The following DNM2 variants were observed in gnomAD, a reference collection of about 807,000 sequenced individuals.
DNM2 encodes dynamin 2.
DNM2 carries 15 observed loss-of-function variants against 99.0 expected under a neutral mutation model. That is an observed-to-expected ratio of 0.15 (90% confidence interval 0.10 to 0.23). The LOEUF (loss-of-function observed/expected upper bound fraction) is 0.23. DNM2 is among the 10% of genes least tolerant of loss of function. The pLI is 1.00. For missense variants in DNM2, 742 were observed against 1,189.4 expected (o/e 0.62, Z 5.53); for synonymous variants, 525 against 481.2 (o/e 1.09, Z -1.19).
intron 15 of DNM2, among the ~76,000 whole-genome samples, chr19:10,815,892 TG>T (rs1214641906): frequency 1.3e-5 from 2 of 152,044 alleles, no homozygotes; most frequent in Non-Finnish European, 1.5e-5. Flanking sequence ...GAAGGCAGGC[TG>T]GGGGGCCCCG....
intron 2 of DNM2, among the ~76,000 whole-genome samples, chr19:10,771,405 T>C (rs1239284221): frequency 6.6e-6 from 1 of 152,110 alleles, no homozygotes; most frequent in Non-Finnish European, 1.5e-5. Context: ...TTATATACAC[T>C]CAGGGTTATA....
chr19:10,756,730 C>T (rs1318030723), intron 1 of DNM2, among the ~76,000 whole-genome samples: 2 of 152,090 alleles, frequency 1.3e-5, no homozygotes, highest in Non-Finnish European at 1.5e-5. Context: ...AGGGCGCTCC[C>T]CTCTGTCTTG....
intron 12 of DNM2, among the ~76,000 whole-genome samples, chr19:10,804,897 C>A (rs1219302357): frequency 6.6e-6 from 1 of 152,122 alleles, no homozygotes; most frequent in African/African-American, 2.4e-5. Context: ...GGAAGGTGAC[C>A]AAGCTGACTT....
At chr19:10,771,639 G>A (rs946541315) in intron 2 of DNM2, among the ~76,000 whole-genome samples, 1 of 152,176 alleles carries the variant, frequency 6.6e-6, no homozygotes, top group African/African-American at 2.4e-5. Context: ...GAATCCACAA[G>A]GACTTGGGCA....
At chr19:10,794,744 C>T (rs1417636038) in intron 8 of DNM2, among the ~76,000 whole-genome samples, 1 of 144,776 alleles carries the variant, frequency 6.9e-6, no homozygotes, top group Non-Finnish European at 1.5e-5. Flanking sequence ...GACCCTATCT[C>T]AAAAAAAAAC....
Position 10,830,311 on chromosome 19 carries a change from C to T in DNM2, c.2476C>T (p.Pro826Ser), listed in dbSNP as rs1328060572. Residue 826 changes from proline to serine, a missense_variant, in exon 20 of 21, where the codon CCA becomes TCA. Physicochemically the swap from Pro to Ser is moderately conservative, Grantham distance 74 (BLOSUM62 -1). Transcript: ENST00000389253. The surrounding 1 kb of genome is among the most constrained non-coding windows in gnomAD (Gnocchi z 4.8). ...QSVFANSDLFPAPPQIPSRPV... is the reference protein window; with the variant it reads ...QSVFANSDLFSAPPQIPSRPV... ...CGTGTTTGCCAACAGTGACCTCTTCCCAGCCCCGCCTCAGATCCCATCTCG... is the reference window on the plus strand; with the variant it reads ...CGTGTTTGCCAACAGTGACCTCTTCTCAGCCCCGCCTCAGATCCCATCTCG... The T allele has an allele frequency of 6.2e-7, 1 of 1,613,636 alleles. No individual in the cohort carries two copies. The highest frequency in any genetic ancestry group is 1.7e-5 in the Admixed American group (1 of 59,998).
At chr19:10,723,413 G>A (rs1218818960) in intron 1 of DNM2, among the ~76,000 whole-genome samples, 1 of 152,138 alleles carries the variant, frequency 6.6e-6, no homozygotes, top group Non-Finnish European at 1.5e-5. Flanking sequence ...GATTACAGGC[G>A]TGAGCCACCG....
At chr19:10,814,291 C>T (rs947811540) in intron 15 of DNM2, among the ~76,000 whole-genome samples, 2 of 152,092 alleles carry the variant, frequency 1.3e-5, no homozygotes, top group African/African-American at 4.8e-5. Flanking sequence ...ATGGAGAAAC[C>T]CCGTCTCTAC....
Position 10,825,186 on chromosome 19 carries a change from A to G in DNM2, c.2023A>G (p.Met675Val), listed in dbSNP as rs1555716140. 1 of 1,614,214 alleles carries G rather than the reference A, an allele frequency of 6.2e-7. No individual in the cohort carries two copies. The highest frequency in any genetic ancestry group is 8.5e-7 in the Non-Finnish European group (1 of 1,180,032). ...AIINKSIRDL[M>V]PKTIMHLMIN... ...CATCAACAAGTCCATCCGCGACCTC[A>G]TGCCAAAGACCATCATGCACCTCAT... Residue 675 changes from methionine (M) to valine (V), a missense_variant, in exon 18 of 21, where the codon ATG becomes GTG. Around this residue, in one of 7 missense-constraint regions of DNM2, gnomAD observed 240 missense variants for 431.3 expected, o/e 0.56. Transcript: ENST00000389253.
chr19:10,810,414 G>A (rs919539183), intron 14 of DNM2: 1 of 152,356 alleles, frequency 6.6e-6, no homozygotes, highest in African/African-American at 2.4e-5. Context: ...GCCACCCACA[G>A]CTTGCAGCTC....
intron 18 of DNM2, among the ~76,000 whole-genome samples, chr19:10,828,289 A>AAATG (rs2073215431): frequency 6.7e-6 from 1 of 148,734 alleles, no homozygotes; most frequent in Non-Finnish European, 1.5e-5. Context: ...ACAAAAAAAT[A>AAATG]AAGATATAAC....
chr19:10,723,973 A>G (rs1426680453), intron 1 of DNM2, among the ~76,000 whole-genome samples: 1 of 151,994 alleles, frequency 6.6e-6, no homozygotes, highest in African/African-American at 2.4e-5. Flanking sequence ...AGTCCCAGCT[A>G]CTCAGGAGGC....
At chr19:10,744,677 C>A (rs1568275144) in intron 1 of DNM2, among the ~76,000 whole-genome samples, 1 of 152,122 alleles carries the variant, frequency 6.6e-6, no homozygotes, top group African/African-American at 2.4e-5. Flanking sequence ...ACACAGTGAG[C>A]GTTCACTTTG....
intron 1 of DNM2, among the ~76,000 whole-genome samples, chr19:10,742,047 TGA>T (rs1217310066): frequency 6.6e-6 from 1 of 152,030 alleles, no homozygotes; most frequent in East Asian, 1.9e-4. Flanking sequence ...TGCAGCATCA[TGA>T]GAGAGTCCTG....
chr19:10,818,117 C>A lies in DNM2; in HGVS notation c.1672-1863C>A, dbSNP rs1472605352. ...GGGAGGGACCCAGGCCCTGTGTTAC[C>A]CAGCCTTGCCTGGGATGACGGGTGC... is the stretch of plus-strand genomic sequence containing the variant. On this transcript the variant is annotated intron_variant, in intron 15 of 20. Transcript: ENST00000389253. The surrounding 1 kb of genome is among the most constrained non-coding windows in gnomAD (Gnocchi z 4.3). 6.6e-6 allele frequency among the ~76,000 whole-genome samples: 1 copy of A among 152,128 alleles called. No individual in the cohort carries two copies. Among genetic ancestry groups the A allele is most frequent in the Admixed American group, 6.5e-5 (1 of 15,280 alleles).
At chr19:10,738,147 C>A (rs1234769752) in intron 1 of DNM2, among the ~76,000 whole-genome samples, 1 of 151,996 alleles carries the variant, frequency 6.6e-6, no homozygotes, top group Non-Finnish European at 1.5e-5. Context: ...AATCCCAGCA[C>A]TTTGGAAGGC....
chr19:10,812,028 T>G lies in DNM2; in HGVS notation c.1558-236T>G. The G allele has an allele frequency of 1.9e-6, 1 of 516,114 alleles. No individual in the cohort carries two copies. The highest frequency in any genetic ancestry group is 3.8e-6 in the Non-Finnish European group (1 of 266,066). The allele number at this position is 516,114 out of a possible 1,614,324, so 32.0% of individuals were successfully genotyped here. A position where few individuals can be genotyped will look rare whatever the true frequency, so the allele number is the denominator to read the frequency against. ...CAGGCCTCTGTGAGTCTATACCCCATCAGCCCCTGGCCCAGTGAGTCTGTC... is the reference window on the plus strand; with the variant it reads ...CAGGCCTCTGTGAGTCTATACCCCAGCAGCCCCTGGCCCAGTGAGTCTGTC... On this transcript the variant is annotated intron_variant, in intron 14 of 20. Transcript: ENST00000389253. The surrounding 1 kb of genome is among the most constrained non-coding windows in gnomAD (Gnocchi z 4.0).
chr19:10,776,421 G>A (rs2071156597), intron 4 of DNM2, among the ~76,000 whole-genome samples: 1 of 152,150 alleles, frequency 6.6e-6, no homozygotes, highest in East Asian at 1.9e-4. Flanking sequence ...CAGAATGTGA[G>A]CAGGAAGGGG....
At position 10,812,448 on chromosome 19, in the gene DNM2, T is replaced by C. The variant is rs2072583054; in HGVS notation, c.1671+71T>C. 1 of 1,314,412 alleles carries C rather than the reference T, an allele frequency of 7.6e-7. No individual in the cohort carries two copies. Among genetic ancestry groups the C allele is most frequent in the Non-Finnish European group, 1.1e-6 (1 of 941,082 alleles). 81.4% of individuals were successfully genotyped at this position (1,314,412 alleles called of 1,614,324 possible). ...CAGGGAAGAGCGGGTGGGCGCTCCC[T>C]CTGGGCAGAACTCAGTCACTGCGCC... On this transcript the variant is annotated intron_variant, in intron 15 of 20. Transcript: ENST00000389253. This position sits in a 1 kb window ranked among gnomAD's most constrained non-coding sequence, Gnocchi z 4.0.
Sources: gnomAD v4.1 joint callset for allele counts (sites outside exome capture counted in the v4.1 genomes callset) on GRCh38, gnomAD v4.1.1 for gene constraint, gnomAD v4.1.1 regional missense constraint, Gnocchi (gnomAD v3.1) non-coding constraint, MANE v1.5 for transcripts, NCBI Gene and HGNC (gene_info 2026-07-23, HGNC 2026-07-21) for gene names.